SLC22A3: variants seen among roughly 807,000 people sequenced by gnomAD.
The protein encoded by SLC22A3 is solute carrier family 22 member 3.
Under a neutral mutation model 59.1 loss-of-function variants are expected in SLC22A3, and 51 were observed. The ratio of observed to expected loss-of-function variants is 0.86; its 90% CI spans 0.69 to 1.09. The LOEUF (loss-of-function observed/expected upper bound fraction) is 1.09. Among genes scored for constraint, SLC22A3 ranks in the 50% least tolerant of loss-of-function variants. The probability of loss-of-function intolerance (pLI) is 0.00; values close to 1 mark genes in which losing one functional copy is unlikely to be tolerated. For missense variants in SLC22A3, 711 were observed against 726.3 expected, an observed-to-expected ratio of 0.98 and a Z score of 0.24; for synonymous variants, 325 against 292.0, an observed-to-expected ratio of 1.11 and a Z score of -1.15.
intron 1 of SLC22A3, among the ~76,000 whole-genome samples, chr6:160,363,432 G>A (rs1012705425): frequency 7.9e-5 from 12 of 152,330 alleles, no homozygotes; most frequent in African/African-American, 2.2e-4. Flanking sequence ...CCAGGTGCAG[G>A]CAGCCTGTTC....
chr6:160,379,221 T>C (rs929326702), intron 1 of SLC22A3, among the ~76,000 whole-genome samples: 3 of 152,214 alleles, frequency 2.0e-5, no homozygotes, highest in African/African-American at 7.2e-5. Context: ...TCTGAGGTTT[T>C]TAAAAAATGT....
rs1788962850 is a variant in SLC22A3, at chr6:160,451,497, C to G, written c.*441C>G. 5.8e-6 allele frequency: 1 copy of G among 172,472 alleles called. No homozygotes were observed. 10.7% of individuals were successfully genotyped at this position (172,472 alleles called of 1,614,324 possible). A position where few individuals can be genotyped will look rare whatever the true frequency, so the allele number is the denominator to read the frequency against. ...GTCAAGGGACTAAGCTCCTAGCTGACCATTCATTCTGAAGATTGCATGGAG... is the reference window on the plus strand; with the variant it reads ...GTCAAGGGACTAAGCTCCTAGCTGAGCATTCATTCTGAAGATTGCATGGAG... On this transcript the variant is annotated 3_prime_UTR_variant, in exon 11 of 11. Coordinates refer to ENST00000275300, the MANE Select transcript of SLC22A3 (RefSeq NM_021977.4).
At chr6:160,449,031 C>T (rs1788852107) in intron 10 of SLC22A3, among the ~76,000 whole-genome samples, 1 of 152,118 alleles carries the variant, frequency 6.6e-6, no homozygotes, top group Admixed American at 6.6e-5. Context: ...CCCTTTGATT[C>T]TATTCCACTG....
intron 5 of SLC22A3, among the ~76,000 whole-genome samples, chr6:160,417,109 G>C (rs1787527591): frequency 6.6e-6 from 1 of 152,190 alleles, no homozygotes; most frequent in African/African-American, 2.4e-5. Flanking sequence ...ATTGACAGCA[G>C]TATCTCTCTG....
At position 160,407,107 on chromosome 6, in the gene SLC22A3, C is replaced by T. The variant is rs1229515719; in HGVS notation, c.600C>T (p.Ala200=). The change falls in exon 3 of 11, where the codon GCC becomes GCT. Residue 200 remains alanine (A), a synonymous_variant. Coordinates refer to ENST00000275300, the MANE Select transcript of SLC22A3 (RefSeq NM_021977.4). ...LGVGVTGVVV[A]FAPNFPVFVI... is the part of the protein sequence containing the mutation. ...TTGGCGTCACTGGGGTTGTGGTGGC[C>T]TTTGCACCAAACTTCCCTGTGTTTG... The T allele has an allele frequency of 1.9e-6, 3 of 1,612,178 alleles. No homozygotes were observed. The highest frequency in any genetic ancestry group is 1.7e-6 in the Non-Finnish European group (2 of 1,179,066).
intron 5 of SLC22A3, among the ~76,000 whole-genome samples, chr6:160,428,871 G>A (rs1195971871): frequency 6.6e-6 from 1 of 152,206 alleles, no homozygotes; most frequent in East Asian, 1.9e-4. Context: ...AATTGCCGAA[G>A]TACTACAGGT....
At chr6:160,417,083 C>T (rs1198487127) in intron 5 of SLC22A3, among the ~76,000 whole-genome samples, 1 of 152,198 alleles carries the variant, frequency 6.6e-6, no homozygotes, top group Non-Finnish European at 1.5e-5. Flanking sequence ...ATCCCATTCC[C>T]ACCCATTGCC....
chr6:160,390,189 C>T (rs936565341), intron 1 of SLC22A3, among the ~76,000 whole-genome samples: 3 of 152,136 alleles, frequency 2.0e-5, no homozygotes, highest in African/African-American at 7.2e-5. Context: ...ACTCCTTAGC[C>T]TGAGTGGCCT....
chr6:160,409,041 T>C (rs904780837), intron 4 of SLC22A3, 120 bp downstream of exon 4: 18 of 795,426 alleles, frequency 2.3e-5, no homozygotes, highest in Admixed American at 1.5e-4. Context: ...TTTATTATAC[T>C]CTAAGTTTTA....
intron 7 of SLC22A3, among the ~76,000 whole-genome samples, chr6:160,442,541 A>G (rs1788586102): frequency 6.6e-6 from 1 of 152,174 alleles, no homozygotes; most frequent in African/African-American, 2.4e-5. Context: ...CTATAATCCA[A>G]CCTGCTCAGA....
intron 1 of SLC22A3, among the ~76,000 whole-genome samples, chr6:160,356,261 G>A (rs568901664): frequency 4.6e-5 from 7 of 152,276 alleles, no homozygotes; most frequent in Admixed American, 2.6e-4. Flanking sequence ...AATCATCGGC[G>A]GCCATGGCCG....
intron 1 of SLC22A3, among the ~76,000 whole-genome samples, chr6:160,369,327 A>AT (rs1785318062): frequency 6.6e-6 from 1 of 152,202 alleles, no homozygotes; most frequent in Non-Finnish European, 1.5e-5. Context: ...GCATGCTAAC[A>AT]TTTTCCAGAC....
intron 1 of SLC22A3, among the ~76,000 whole-genome samples, chr6:160,378,191 A>G (rs562192038): frequency 1.3e-5 from 2 of 152,332 alleles, no homozygotes; most frequent in East Asian, 3.9e-4. Context: ...GTAGAATTAG[A>G]ATATAGCTTT....
intron 1 of SLC22A3, among the ~76,000 whole-genome samples, chr6:160,392,886 A>G (rs1007552149): frequency 6.7e-6 from 1 of 149,200 alleles, no homozygotes; most frequent in South Asian, 2.1e-4. Context: ...TGACAGTATC[A>G]GTGATTATTA....
intron 1 of SLC22A3, among the ~76,000 whole-genome samples, chr6:160,352,144 T>C (rs568095030): frequency 4.5e-4 from 69 of 152,376 alleles, no homozygotes; most frequent in African/African-American, 1.2e-3. Context: ...AGCCTCCTGA[T>C]GTGAAAGTTG....
chr6:160,367,124 T>A (rs1785232835), intron 1 of SLC22A3, among the ~76,000 whole-genome samples: 1 of 152,084 alleles, frequency 6.6e-6, no homozygotes, highest in South Asian at 2.1e-4. Context: ...CAATACTGGG[T>A]AATATATAAA....
chr6:160,408,730 C>T, intron 3 of SLC22A3, 23 bp from the exon 4 acceptor site: 1 of 1,612,524 alleles, frequency 6.2e-7, no homozygotes, highest in Non-Finnish European at 8.5e-7. Flanking sequence ...CTTCTGTGAC[C>T]TCTTGTGTTT....
chr6:160,423,329 T>C (rs1463484396), intron 5 of SLC22A3, among the ~76,000 whole-genome samples: 1 of 152,232 alleles, frequency 6.6e-6, no homozygotes, highest in Admixed American at 6.5e-5. Flanking sequence ...TGATTTATAA[T>C]CCTCTGGGTA....
chr6:160,431,520 A>G (rs1788149703), intron 5 of SLC22A3, among the ~76,000 whole-genome samples: 1 of 152,184 alleles, frequency 6.6e-6, no homozygotes, highest in Admixed American at 6.5e-5. Context: ...GACAGGGAAG[A>G]CTGGTTTCAC....
Sources: allele counts gnomAD v4.1 joint callset (sites outside exome capture counted in the v4.1 genomes callset), GRCh38; gene constraint gnomAD v4.1.1; transcripts MANE v1.5; gene names NCBI Gene and HGNC (gene_info 2026-07-23, HGNC 2026-07-21).